Variants in FN1 observed in about 807,000 individuals in gnomAD.
FN1 encodes the protein fibronectin 1.
In FN1, 106 loss-of-function variants were observed where a neutral mutation model predicts 297.3. That is an observed-to-expected ratio of 0.36 (90% CI 0.30 to 0.42). FN1 has a LOEUF of 0.42. FN1 is among the 10% of genes least tolerant of loss of function. FN1 has a pLI of 1.00. For missense variants in FN1, 2,690 were observed against 3,124.9 expected (o/e 0.86, Z 3.32); for synonymous variants, 1,149 against 1,152.6 (o/e 1.00, Z 0.06).
intron 26 of FN1, among the ~76,000 whole-genome samples, chr2:215,391,274 AC>A (rs1309939952): frequency 1.3e-5 from 2 of 152,228 alleles, no homozygotes; most frequent in African/African-American, 4.8e-5. Flanking sequence ...ACATATGGTG[AC>A]ACTATTTTCA....
intron 25 of FN1, 51 bp from the exon 26 acceptor site, chr2:215,391,865 G>A (rs766780501): frequency 4.6e-6 from 7 of 1,528,584 alleles, no homozygotes; most frequent in South Asian, 1.1e-5. Flanking sequence ...TAAAATTAAA[G>A]CTAACGAAGT....
intron 38 of FN1, 24 bp from the exon 39 acceptor site, chr2:215,373,435 CATT>C: frequency 6.3e-7 from 1 of 1,590,066 alleles, no homozygotes; most frequent in African/African-American, 1.3e-5. Flanking sequence ...AGAACCATCA[CATT>C]ATGTCAATGG....
chr2:215,434,391 T>C (rs760827831), intron 2 of FN1, among the ~76,000 whole-genome samples: 7 of 131,996 alleles, frequency 5.3e-5, no homozygotes, highest in Non-Finnish European at 8.0e-5. Flanking sequence ...TTCTAATAAA[T>C]TAAAATTTTA....
chr2:215,385,033 A>G (rs1046323935), intron 28 of FN1, 57 bp from the exon 29 acceptor site: 5 of 1,191,458 alleles, frequency 4.2e-6, no homozygotes, highest in Non-Finnish European at 6.3e-6. Context: ...ATTCAGATTT[A>G]CTGTTTGTTC....
At chr2:215,403,425 T>A (rs539259717) in intron 20 of FN1, among the ~76,000 whole-genome samples, 2 of 152,298 alleles carry the variant, frequency 1.3e-5, no homozygotes, top group East Asian at 3.9e-4. Flanking sequence ...CATCCATACT[T>A]TTAAATTAGT....
rs773669224 is a variant in FN1, at chr2:215,381,046, A to G, written c.5199T>C (p.Asp1733=). 1.3e-5 allele frequency: 21 copies of G among 1,614,148 alleles called. No individual in the cohort carries two copies. The highest frequency in any genetic ancestry group is 1.8e-5 in the Non-Finnish European group (21 of 1,179,940). Residue 1733 remains aspartate (D), a synonymous_variant, in exon 33 of 46, where the codon GAT becomes GAC. Coordinates refer to ENST00000354785, the MANE Select transcript of FN1 (RefSeq NM_212482.4). ...IDRPKGLAFT[D]VDVDSIKIAW... ...CAATTTTGATGGAATCGACATCCAC[A>G]TCAGTGAATGCCAGTCCTTTAGGGC...
At chr2:215,411,971 G>T (rs1296947268) in intron 13 of FN1, among the ~76,000 whole-genome samples, 1 of 151,980 alleles carries the variant, frequency 6.6e-6, no homozygotes, top group Non-Finnish European at 1.5e-5. Flanking sequence ...CTGGCCCAAA[G>T]TACATTTTAT....
At chr2:215,419,489 A>G (rs2063902152) in intron 11 of FN1, 104 bp from the exon 12 acceptor site, 2 of 994,716 alleles carry the variant, frequency 2.0e-6, no homozygotes, top group Admixed American at 1.7e-5. Context: ...GAAATTTGCA[A>G]TTGTTCTTAC....
rs1018511223 is a variant in FN1 at position 215,375,118 on chromosome 2, T to C, written c.6157+96A>G. 2.4e-6 allele frequency: 3 copies of C among 1,251,114 alleles called. No individual in the cohort carries two copies. In the African/African-American group the frequency reaches 4.4e-5, roughly 18 times the overall value. The allele number at this position is 1,251,114 out of a possible 1,614,324, so 77.5% of individuals were successfully genotyped here. ...TTATCAGGAACAGAGTTTCGCATTC[T>C]CATGACACAGTATCAAAGACGCTGT... On this transcript the variant is annotated intron_variant, in intron 38 of 45. Coordinates refer to ENST00000354785, the MANE Select transcript of FN1 (RefSeq NM_212482.4).
Position 215,401,242 on chromosome 2 carries a change from GAAAGAAAGGAAGAAAGA to G in FN1, c.3254-1908_3254-1892del, listed in dbSNP as rs1559475419. Reference sequence around the variant, plus strand: ...AGAAAGAAAGAAAGAAAGAAAGAAAGAAAGAAAGGAAGAAAGAAAGGAAGGAAAGGAAAGGAAAGGAA... The same window carrying G: ...AGAAAGAAAGAAAGAAAGAAAGAAAGAAGGAAGGAAAGGAAAGGAAAGGAA... On this transcript the variant is annotated intron_variant, in intron 20 of 45. Transcript: ENST00000354785. Among the ~76,000 whole-genome samples the G allele has an allele frequency of 8.6e-3, 514 of 59,678 alleles. 21 individuals carry two copies. Among genetic ancestry groups the G allele is most frequent in the African/African-American group, 0.027 (443 of 16,190 alleles). 39.2% of individuals were successfully genotyped at this position (59,678 alleles called of 152,430 possible).
In FN1 at chr2:215,434,827, G is replaced by A. The variant is rs2577290; in HGVS notation, c.149-3C>T. 0.26 allele frequency: 419,684 copies of A among 1,596,998 alleles called. 69,908 individuals carry two copies. The highest frequency in any genetic ancestry group is 0.93 in the East Asian group (41,850 of 44,784). On this transcript the variant is annotated splice_polypyrimidine_tract_variant and splice_region_variant and intron_variant, in intron 1 of 45. Coordinates refer to ENST00000354785, the MANE Select transcript of FN1 (RefSeq NM_212482.4). ...TTTTCCATTGTCATAACAACCGGCT[G>A]CAAATAATTGAAGGAAAACGTTACA...
rs1356533824 is a variant in FN1 at position 215,435,756 on chromosome 2, C to T, written c.47G>A (p.Cys16Tyr). ...GPGLLLLAVQ[C>Y]LGTAVPSTGA... Reference sequence around the variant, plus strand: ...CGTGGAGGGCACCGCTGTCCCCAGGCACTGGACGGCCAGCAGCAGCAGCCC... The same window carrying T: ...CGTGGAGGGCACCGCTGTCCCCAGGTACTGGACGGCCAGCAGCAGCAGCCC... Residue 16 changes from cysteine (C) to tyrosine (Y), a missense_variant, in exon 1 of 46, where the codon TGC becomes TAC. Coordinates refer to ENST00000354785, the MANE Select transcript of FN1 (RefSeq NM_212482.4). 1.9e-6 allele frequency: 3 copies of T among 1,599,110 alleles called. No individual in the cohort carries two copies. The highest frequency in any genetic ancestry group is 1.7e-4 in the Middle Eastern group (1 of 5,922).
intron 5 of FN1, among the ~76,000 whole-genome samples, chr2:215,429,764 CT>C (rs2066155505): frequency 6.6e-6 from 1 of 152,194 alleles, no homozygotes; most frequent in African/African-American, 2.4e-5. Flanking sequence ...ATCTGCACCC[CT>C]ATAATACCTT....
chr2:215,433,815 C>T (rs552200935), intron 2 of FN1, among the ~76,000 whole-genome samples: 8 of 152,318 alleles, frequency 5.3e-5, no homozygotes, highest in East Asian at 3.9e-4. Context: ...AAAAAGCAAA[C>T]GATTGGCCGG....
chr2:215,431,981 G>A lies in FN1; in HGVS notation c.416-17C>T, dbSNP rs142394008. On this transcript the variant is annotated splice_polypyrimidine_tract_variant and intron_variant, in intron 3 of 45. Transcript: ENST00000354785. ...GGCAGCGGTCTGTTGAAGATACAAC[G>A]AAAATGTTAGGAGAGGGCAGAACAG... is the stretch of plus-strand genomic sequence containing the variant. 3,452 of 1,613,708 alleles carry A rather than the reference G, an allele frequency of 2.1e-3. 35 individuals carry two copies. The highest frequency in any genetic ancestry group is 0.016 in the South Asian group (1,486 of 91,076).
intron 27 of FN1, among the ~76,000 whole-genome samples, chr2:215,387,714 T>C (rs2059201571): frequency 6.6e-6 from 1 of 152,168 alleles, no homozygotes; most frequent in East Asian, 1.9e-4. Context: ...TATAAATAAA[T>C]TAATGAATAC....
At chr2:215,426,315 A>T (rs1462566300) in intron 6 of FN1, among the ~76,000 whole-genome samples, 2 of 151,276 alleles carry the variant, frequency 1.3e-5, no homozygotes, top group Non-Finnish European at 2.9e-5. Flanking sequence ...CGCCCGGCTA[A>T]TTTTTTGTAT....
chr2:215,412,016 A>G (rs2062720532), intron 13 of FN1, among the ~76,000 whole-genome samples: 1 of 152,096 alleles, frequency 6.6e-6, no homozygotes, highest in Non-Finnish European at 1.5e-5. Context: ...ATGGTCTCAC[A>G]TAATACTTTG....
chr2:215,413,049 CTT>C (rs1364923448), intron 13 of FN1, among the ~76,000 whole-genome samples: 1 of 152,082 alleles, frequency 6.6e-6, no homozygotes, highest in Non-Finnish European at 1.5e-5. Context: ...AATTATTCCT[CTT>C]TGTTTTTATA....
Sources: allele counts gnomAD v4.1 joint callset (sites outside exome capture counted in the v4.1 genomes callset), GRCh38; gene constraint gnomAD v4.1.1; transcripts MANE v1.5; gene names NCBI Gene and HGNC (gene_info 2026-07-23, HGNC 2026-07-21).